SH3PXD2B: variants seen among roughly 807,000 people sequenced by gnomAD.
SH3PXD2B encodes the protein SH3 and PX domain-containing protein 2B.
Under a neutral mutation model 73.1 loss-of-function variants are expected in SH3PXD2B, and 37 were observed. The observed-to-expected ratio is 0.51, with a 90% confidence interval of 0.39 to 0.67. The LOEUF is 0.67. Among genes scored for constraint, SH3PXD2B ranks in the 30% least tolerant of loss-of-function variants. The probability of loss-of-function intolerance (pLI) is 0.00; values close to 1 mark genes in which losing one functional copy is unlikely to be tolerated. For missense variants in SH3PXD2B, 1,053 were observed against 1,197.8 expected (o/e 0.88, Z 1.78); for synonymous variants, 457 against 480.5 (o/e 0.95, Z 0.64).
intron 1 of SH3PXD2B, among the ~76,000 whole-genome samples, chr5:172,431,770 A>G (rs908710835): frequency 2.0e-5 from 3 of 152,018 alleles, no homozygotes; most frequent in Admixed American, 1.3e-4. Flanking sequence ...TTTAGCAAAT[A>G]CTCTAGGAGA....
chr5:172,367,666 C>T (rs2113335218), intron 6 of SH3PXD2B, among the ~76,000 whole-genome samples: 1 of 152,306 alleles, frequency 6.6e-6, no homozygotes, highest in East Asian at 1.9e-4. Context: ...TGGAATAAGA[C>T]TCCTTTATAG....
In SH3PXD2B at chr5:172,335,595, G is replaced by A; in HGVS notation, c.*2774C>T. On this transcript the variant is annotated 3_prime_UTR_variant, in exon 13 of 13. Transcript: ENST00000311601. The stretch of plus-strand genomic sequence containing the variant: ...AAGGAGCGTGTGTGTTTAGGCACTG[G>A]TCACCAGCCCGGTGCTTGGCACCAT... 8.1e-7 allele frequency: 1 copy of A among 1,231,860 alleles called. No homozygotes were observed. The highest frequency in any genetic ancestry group is 1.0e-6 in the Non-Finnish European group (1 of 988,066). The allele number at this position is 1,231,860 out of a possible 1,614,324, so 76.3% of individuals were successfully genotyped here.
chr5:172,358,337 GA>G (rs1398242052), intron 8 of SH3PXD2B, among the ~76,000 whole-genome samples: 3 of 152,262 alleles, frequency 2.0e-5, no homozygotes, highest in Non-Finnish European at 2.9e-5. Flanking sequence ...TGGGTGAGTG[GA>G]GGGGGACCCC....
intron 4 of SH3PXD2B, among the ~76,000 whole-genome samples, chr5:172,385,677 G>A (rs1758046561): frequency 6.6e-6 from 1 of 152,210 alleles, no homozygotes; most frequent in Non-Finnish European, 1.5e-5. Flanking sequence ...ATGGGCAGAG[G>A]CCCCAAATGG....
chr5:172,442,556 T>C (rs1759571666), intron 1 of SH3PXD2B, among the ~76,000 whole-genome samples: 1 of 152,184 alleles, frequency 6.6e-6, no homozygotes, highest in South Asian at 2.1e-4. Flanking sequence ...AATATCCAAA[T>C]ATATAAATCT....
chr5:172,454,385 G>C lies in SH3PXD2B; in HGVS notation c.-33C>G. ...CCTCCGCCCGCAGCGGGCCGAGCGC[G>C]GGTGCGGGTGGCGCGGGGTGCAGGG... On this transcript the variant is annotated 5_prime_UTR_variant, in exon 1 of 13. Transcript: ENST00000311601. The C allele has an allele frequency of 2.9e-6, 4 of 1,361,518 alleles. No homozygotes were observed. The highest frequency in any genetic ancestry group is 3.8e-6 in the Non-Finnish European group (4 of 1,055,950). 84.3% of individuals were successfully genotyped at this position (1,361,518 alleles called of 1,614,324 possible).
chr5:172,342,822 G>C (rs552952806), intron 12 of SH3PXD2B, among the ~76,000 whole-genome samples: 1 of 152,128 alleles, frequency 6.6e-6, no homozygotes, highest in Non-Finnish European at 1.5e-5. Context: ...TGCAGAAGGA[G>C]CAAAGATGGC....
Position 172,358,823 on chromosome 5 carries a change from A to C in SH3PXD2B, c.617T>G (p.Leu206Arg), listed in dbSNP as rs979306407. The C allele has an allele frequency of 5.6e-6, 9 of 1,613,954 alleles. No individual in the cohort carries two copies. Among genetic ancestry groups the C allele is most frequent in the Non-Finnish European group, 7.6e-6 (9 of 1,179,984 alleles). The change falls in exon 8 of 13, where the codon CTC becomes CGC. Residue 206 changes from leucine to arginine, a missense_variant. Leu to Arg is a moderately radical substitution (Grantham distance 102, BLOSUM62 -2). Transcript: ENST00000311601. ...EEQGWVPATC[L>R]EGQDGVQDEF... The stretch of plus-strand genomic sequence containing the variant: ...ATCCTGCACCCCATCCTGGCCTTCG[A>C]GGCACGTTGCAGGGACCCAGCCTTG...
rs1344841635 is a variant in SH3PXD2B at position 172,337,554 on chromosome 5, C to T, written c.*815G>A. ...CTTGTGAATGGGCCTCTTATTCAAACAAACTTTGAGATTCTTGCTTTAGGT... is the reference window on the plus strand; with the variant it reads ...CTTGTGAATGGGCCTCTTATTCAAATAAACTTTGAGATTCTTGCTTTAGGT... On this transcript the variant is annotated 3_prime_UTR_variant, in exon 13 of 13. Transcript: ENST00000311601. The T allele has an allele frequency of 1.0e-6, 1 of 985,474 alleles. No individual in the cohort carries two copies. Among genetic ancestry groups the T allele is most frequent in the Non-Finnish European group, 1.2e-6 (1 of 830,044 alleles). 61.0% of individuals were successfully genotyped at this position (985,474 alleles called of 1,614,324 possible).
intron 8 of SH3PXD2B, among the ~76,000 whole-genome samples, chr5:172,356,346 T>C (rs1344070364): frequency 1.3e-5 from 2 of 152,134 alleles, no homozygotes; most frequent in Admixed American, 6.5e-5. Context: ...CTTTTAGTGA[T>C]ATAAGTCAAT....
chr5:172,430,142 T>C (rs1759199776), intron 1 of SH3PXD2B, among the ~76,000 whole-genome samples: 1 of 152,224 alleles, frequency 6.6e-6, no homozygotes, highest in African/African-American at 2.4e-5. Context: ...TTCTTTCGCT[T>C]GGTGCCTGGA....
chr5:172,439,696 A>G (rs879585243), intron 1 of SH3PXD2B, among the ~76,000 whole-genome samples: 3,022 of 91,934 alleles, frequency 0.033, 58 homozygotes, highest in African/African-American at 0.082. Context: ...GCGCGCGCAC[A>G]CACACACACA....
chr5:172,374,369 C>A (rs1212927561), intron 5 of SH3PXD2B, among the ~76,000 whole-genome samples: 1 of 152,040 alleles, frequency 6.6e-6, no homozygotes, highest in Non-Finnish European at 1.5e-5. Flanking sequence ...CCGTCGTCAC[C>A]CGTGTCAGAG....
In SH3PXD2B at chr5:172,348,694, T is replaced by TCTATC. The variant is rs1554135168; in HGVS notation, c.1013-1367_1013-1363dup. On this transcript the variant is annotated intron_variant, in intron 10 of 12. Coordinates refer to ENST00000311601, the MANE Select transcript of SH3PXD2B (RefSeq NM_001017995.3). ...ATCTATCTATCTATCTATCTATCTA[T>TCTATC]CTATCTATCTATCTATTTATTTATT... Among the ~76,000 whole-genome samples the TCTATC allele has an allele frequency of 5.2e-4, 21 of 40,116 alleles. No homozygotes were observed. The East Asian group carries it at 0.024, about 45-fold the overall frequency. 26.3% of individuals were successfully genotyped at this position (40,116 alleles called of 152,430 possible).
intron 4 of SH3PXD2B, among the ~76,000 whole-genome samples, chr5:172,385,516 C>T (rs1295998913): frequency 6.6e-6 from 1 of 152,198 alleles, no homozygotes; most frequent in Non-Finnish European, 1.5e-5. Flanking sequence ...TTCACCTTCC[C>T]TACGTGCCTA....
chr5:172,446,007 G>A (rs1290612202), intron 1 of SH3PXD2B, among the ~76,000 whole-genome samples: 1 of 152,214 alleles, frequency 6.6e-6, no homozygotes, highest in African/African-American at 2.4e-5. Context: ...ACTGCTGGAG[G>A]CACTGAGCCT....
At chr5:172,341,934 G>C (rs1257597736) in intron 12 of SH3PXD2B, among the ~76,000 whole-genome samples, 1 of 152,170 alleles carries the variant, frequency 6.6e-6, no homozygotes, top group Non-Finnish European at 1.5e-5. Context: ...TGGGATTATA[G>C]GCATGAGTCA....
At chr5:172,394,731 T>C in intron 3 of SH3PXD2B, 92 bp from the exon 4 acceptor site, 1 of 1,371,538 alleles carries the variant, frequency 7.3e-7, no homozygotes, top group Non-Finnish European at 1.0e-6. Context: ...GTTCCTAGGG[T>C]AGGTCTGAGT....
Position 172,362,763 on chromosome 5 carries a change from C to T in SH3PXD2B, c.534G>A (p.Val178=). Residue 178 remains valine (V), a synonymous_variant, in exon 7 of 13, where the codon GTG becomes GTA. Transcript: ENST00000311601. ...ACTCATTCTTCTCGATGATGTCCAC[C>T]ACCTGCCCCACGCTGAGGCTGATCT... The part of the protein sequence containing the change: ...SSEISLSVGQ[V]VDIIEKNESG... 6.2e-7 allele frequency: 1 copy of T among 1,614,076 alleles called. No individual in the cohort carries two copies. The highest frequency in any genetic ancestry group is 8.5e-7 in the Non-Finnish European group (1 of 1,180,012).
Sources: gnomAD v4.1 joint callset for allele counts (sites outside exome capture counted in the v4.1 genomes callset) on GRCh38, gnomAD v4.1.1 for gene constraint, MANE v1.5 for transcripts, NCBI Gene and HGNC (gene_info 2026-07-23, HGNC 2026-07-21) for gene names.